Variants in HHIPL1 observed in about 807,000 individuals in gnomAD.
HHIPL1 encodes the protein HHIP like 1.
In HHIPL1, 43 loss-of-function variants were observed where a neutral mutation model predicts 61.8. The observed-to-expected ratio is 0.70, with a 90% CI of 0.55 to 0.90. The LOEUF (loss-of-function observed/expected upper bound fraction) is 0.90. HHIPL1 is among the 40% of genes least tolerant of loss of function. The probability of loss-of-function intolerance (pLI) is 0.00; values close to 1 mark genes in which losing one functional copy is unlikely to be tolerated. For missense variants in HHIPL1, 1,056 were observed against 1,157.7 expected, an observed-to-expected ratio of 0.91 and a Z score of 1.28; for synonymous variants, 482 against 515.8, an observed-to-expected ratio of 0.93 and a Z score of 0.89.
the HHIPL1 span, among the ~76,000 whole-genome samples, chr14:99,627,567 G>A: frequency 2.6e-4 from 40 of 152,340 alleles, no homozygotes; most frequent in Non-Finnish European, 5.3e-4. The surrounding 1 kb of genome is among the most constrained non-coding windows in gnomAD (Gnocchi z 4.4). Context: ...CATTCAGGCC[G>A]GAGAGACAAG....
At chr14:99,635,284 G>T in the HHIPL1 span, among the ~76,000 whole-genome samples, 1 of 152,196 alleles carries the variant, frequency 6.6e-6, no homozygotes, top group African/African-American at 2.4e-5. Flanking sequence ...GTGGGACTTA[G>T]GGGCAAAGCA....
upstream of HHIPL1, among the ~76,000 whole-genome samples, chr14:99,644,265 C>A (rs2055791219): frequency 6.6e-6 from 1 of 152,142 alleles, no homozygotes; most frequent in Non-Finnish European, 1.5e-5. Flanking sequence ...TAGGAGCTCA[C>A]TGGACAGAGA....
At chr14:99,609,621 G>T in the HHIPL1 span, among the ~76,000 whole-genome samples, 1 of 152,182 alleles carries the variant, frequency 6.6e-6, no homozygotes, top group Non-Finnish European at 1.5e-5. Flanking sequence ...TGGGGAAACC[G>T]CATGAAGCTG....
chr14:99,673,015 C>T (rs941320661), intron 8 of HHIPL1, among the ~76,000 whole-genome samples: 5 of 152,212 alleles, frequency 3.3e-5, no homozygotes, highest in African/African-American at 7.2e-5. Flanking sequence ...CTGCAGTCCT[C>T]GCCTTCTCAG....
Position 99,660,069 on chromosome 14 carries a change from T to C in HHIPL1, c.1376-211T>C, listed in dbSNP as rs1305070564. On this transcript the variant is annotated intron_variant, in intron 4 of 8. Transcript: ENST00000330710. The surrounding 1 kb of genome is among the most constrained non-coding windows in gnomAD (Gnocchi z 4.9). ...CGCCTTGGAGGCCTCCCAGCAGCGC[T>C]CTTGAGTTCTTCCTCGCTCCATCCC... 6.6e-6 allele frequency among the ~76,000 whole-genome samples: 1 copy of C among 150,816 alleles called. No individual in the cohort carries two copies. Among genetic ancestry groups the C allele is most frequent in the Non-Finnish European group, 1.5e-5 (1 of 67,802 alleles).
upstream of HHIPL1, among the ~76,000 whole-genome samples, chr14:99,641,084 G>A (rs571871941): frequency 8.7e-4 from 132 of 151,560 alleles, no homozygotes; most frequent in African/African-American, 2.9e-3. Context: ...ACTGGGTTTC[G>A]CCATGTTGGC....
At position 99,659,495 on chromosome 14, in the gene HHIPL1, A is replaced by T. The variant is rs1429437594; in HGVS notation, c.1114A>T (p.Ile372Phe). The T allele has an allele frequency of 6.5e-7, 1 of 1,539,434 alleles. No individual in the cohort carries two copies. Among genetic ancestry groups the T allele is most frequent in the Non-Finnish European group, 8.7e-7 (1 of 1,147,596 alleles). ...TAAGGAGCGCGGCCTGCCCTACGGCATCCCGCCCGACAACCCGTTCGTGGG... is the reference window on the plus strand; with the variant it reads ...TAAGGAGCGCGGCCTGCCCTACGGCTTCCCGCCCGACAACCCGTTCGTGGG... The part of the protein sequence containing the change: ...DRKERGLPYG[I>F]PPDNPFVGDP... Residue 372 changes from isoleucine (I) to phenylalanine (F), a missense_variant, in exon 4 of 9, where the codon ATC (isoleucine) becomes TTC (phenylalanine). Physicochemically the swap from Ile to Phe is conservative, Grantham distance 21. Coordinates refer to ENST00000330710, the MANE Select transcript of HHIPL1 (RefSeq NM_001127258.3).
At chr14:99,616,551 C>A in the HHIPL1 span, among the ~76,000 whole-genome samples, 8,622 of 152,094 alleles carry the variant, frequency 0.057, 754 homozygotes, top group East Asian at 0.29. Context: ...AAGAACAGTA[C>A]AAGTGTGTTG....
the HHIPL1 span, among the ~76,000 whole-genome samples, chr14:99,608,320 A>G: frequency 1.3e-5 from 2 of 151,982 alleles, no homozygotes; most frequent in Admixed American, 1.3e-4. Flanking sequence ...AATAACCAAC[A>G]CCACCTGCCG....
the HHIPL1 span, among the ~76,000 whole-genome samples, chr14:99,619,860 G>T: frequency 6.6e-6 from 1 of 152,134 alleles, no homozygotes; most frequent in Admixed American, 6.5e-5. Context: ...TTGCTTTCCT[G>T]TTGGATTGTT....
intron 7 of HHIPL1, among the ~76,000 whole-genome samples, chr14:99,669,839 C>T (rs1042490984): frequency 6.6e-6 from 1 of 152,176 alleles, no homozygotes; most frequent in Non-Finnish European, 1.5e-5. Flanking sequence ...GTGAGAGGAT[C>T]ACTCGAACTC....
At chr14:99,628,103 A>G in the HHIPL1 span, among the ~76,000 whole-genome samples, 1 of 152,164 alleles carries the variant, frequency 6.6e-6, no homozygotes, top group Non-Finnish European at 1.5e-5. Context: ...GGGAGGACCG[A>G]GGCCCAGAGA....
chr14:99,653,108 C>A (rs2055967676), intron 2 of HHIPL1, among the ~76,000 whole-genome samples: 1 of 152,230 alleles, frequency 6.6e-6, no homozygotes, highest in African/African-American at 2.4e-5. Context: ...TCCACCAACT[C>A]TTATTTCAGG....
the HHIPL1 span, among the ~76,000 whole-genome samples, chr14:99,638,077 C>A: frequency 6.6e-6 from 1 of 152,214 alleles, no homozygotes; most frequent in African/African-American, 2.4e-5. Flanking sequence ...TTCTTCTGTT[C>A]TTGGTAATTT....
intron 3 of HHIPL1, among the ~76,000 whole-genome samples, chr14:99,658,780 G>C (rs2056092731): frequency 1.3e-5 from 2 of 149,788 alleles, no homozygotes; most frequent in Admixed American, 6.7e-5. Context: ...CAACCCGCAC[G>C]CTGGTGCATT....
chr14:99,610,760 C>CA, the HHIPL1 span, among the ~76,000 whole-genome samples: 98,266 of 151,064 alleles, frequency 0.65, 34,861 homozygotes, highest in Middle Eastern at 0.88. Context: ...GACTCCACCT[C>CA]AAAAAAAAAT....
the HHIPL1 span, among the ~76,000 whole-genome samples, chr14:99,634,929 T>TA: frequency 2.0e-5 from 3 of 152,146 alleles, no homozygotes; most frequent in African/African-American, 7.2e-5. Context: ...GAGGGCAGTG[T>TA]AATGAGCCCC....
intron 6 of HHIPL1, among the ~76,000 whole-genome samples, chr14:99,664,554 T>G (rs766667890): frequency 6.6e-6 from 1 of 152,192 alleles, no homozygotes; most frequent in East Asian, 1.9e-4. Flanking sequence ...GCTCTGGCAG[T>G]GGCCTCTGGA....
At chr14:99,639,079 TGC>T in the HHIPL1 span, among the ~76,000 whole-genome samples, 1 of 152,238 alleles carries the variant, frequency 6.6e-6, no homozygotes, top group Non-Finnish European at 1.5e-5. Context: ...GCCTAGCACG[TGC>T]CAGATGTCAT....
Sources: gnomAD v4.1 joint callset for allele counts (sites outside exome capture counted in the v4.1 genomes callset) on GRCh38, gnomAD v4.1.1 for gene constraint, Gnocchi (gnomAD v3.1) non-coding constraint, MANE v1.5 for transcripts, NCBI Gene and HGNC (gene_info 2026-07-23, HGNC 2026-07-21) for gene names.